The following RYR2 variants were observed in gnomAD, a reference collection of about 807,000 sequenced individuals.
RYR2 encodes the protein ryanodine receptor 2.
Under a neutral mutation model 601.1 loss-of-function variants are expected in RYR2, and 227 were observed. That is an observed-to-expected ratio of 0.38 (90% CI 0.34 to 0.42). RYR2 has a LOEUF of 0.42. Ranked by LOEUF, RYR2 falls within the 10% of genes least tolerant of loss-of-function variation. The probability of loss-of-function intolerance (pLI) is 1.00; values close to 1 mark genes in which losing one functional copy is unlikely to be tolerated. For missense variants in RYR2, 4,646 were observed against 6,156.5 expected, an observed-to-expected ratio of 0.75 and a Z score of 8.21; for synonymous variants, 2,223 against 2,175.1, an observed-to-expected ratio of 1.02 and a Z score of -0.61.
intron 1 of RYR2, among the ~76,000 whole-genome samples, chr1:237,221,531 G>A (rs1445812098): frequency 6.6e-6 from 1 of 152,188 alleles, no homozygotes; most frequent in Non-Finnish European, 1.5e-5. Flanking sequence ...AGAGGGATAT[G>A]AAAACACGGG....
intron 1 of RYR2, among the ~76,000 whole-genome samples, chr1:237,181,728 G>A (rs1678781790): frequency 6.6e-6 from 1 of 152,220 alleles, no homozygotes; most frequent in Non-Finnish European, 1.5e-5. Context: ...TAGGTCTAAT[G>A]ACTGTGCTGC....
chr1:237,152,884 G>GA (rs979728551), intron 1 of RYR2, among the ~76,000 whole-genome samples: 2 of 150,788 alleles, frequency 1.3e-5, no homozygotes, highest in Non-Finnish European at 1.5e-5. Context: ...CGCAGAATGG[G>GA]AAAAAATTTT....
chr1:237,513,358 G>A (rs1213439474), intron 24 of RYR2, among the ~76,000 whole-genome samples: 1 of 152,128 alleles, frequency 6.6e-6, no homozygotes, highest in Non-Finnish European at 1.5e-5. Context: ...TTTATATTAC[G>A]TACAAAACTC....
intron 42 of RYR2, among the ~76,000 whole-genome samples, chr1:237,631,996 CTT>C (rs1233095526): frequency 6.6e-6 from 1 of 151,778 alleles, no homozygotes; most frequent in African/African-American, 2.4e-5. Flanking sequence ...TTAAAGAAGA[CTT>C]TTTGAAAAAA....
chr1:237,441,298 T>G (rs1707874384), intron 12 of RYR2, 21 bp from the exon 13 acceptor site: 3 of 1,613,190 alleles, frequency 1.9e-6, no homozygotes, highest in Non-Finnish European at 8.5e-7. Flanking sequence ...TACTGACCTT[T>G]TTTTCCTCCT....
At chr1:237,458,461 GT>G (rs1374539640) in intron 16 of RYR2, among the ~76,000 whole-genome samples, 1 of 152,036 alleles carries the variant, frequency 6.6e-6, no homozygotes, top group African/African-American at 2.4e-5. Flanking sequence ...TATTCTTGAT[GT>G]TTCTCCCAAC....
At chr1:237,190,149 A>C (rs578146722) in intron 1 of RYR2, among the ~76,000 whole-genome samples, 2 of 152,082 alleles carry the variant, frequency 1.3e-5, no homozygotes, top group Non-Finnish European at 2.9e-5. Context: ...TTGGCCTCCC[A>C]AAGTGCTGGG....
chr1:237,417,491 C>T (rs1156708133), intron 11 of RYR2, among the ~76,000 whole-genome samples: 2 of 152,134 alleles, frequency 1.3e-5, no homozygotes, highest in African/African-American at 4.8e-5. Context: ...GCAAGCCTGT[C>T]GCACATCTCA....
intron 63 of RYR2, among the ~76,000 whole-genome samples, chr1:237,696,679 G>T (rs1257624628): frequency 7.3e-6 from 1 of 137,782 alleles, no homozygotes; most frequent in Non-Finnish European, 1.5e-5. Context: ...CCCACAGTCT[G>T]CTTCTTCTCG....
At chr1:237,655,676 A>G in intron 52 of RYR2, 145 bp from the exon 53 acceptor site, 1 of 708,414 alleles carries the variant, frequency 1.4e-6, no homozygotes, top group Non-Finnish European at 2.2e-6. Flanking sequence ...CCTGTGTTTC[A>G]TTTTCTGGAA....
chr1:237,749,524 A>C (rs910967670), intron 80 of RYR2, among the ~76,000 whole-genome samples: 3 of 152,250 alleles, frequency 2.0e-5, no homozygotes, highest in South Asian at 2.1e-4. Context: ...CAGTGTGGTG[A>C]ACATAAACAA....
At chr1:237,387,228 T>C (rs1702017575) in intron 8 of RYR2, 53 bp from the exon 9 acceptor site, 6 of 1,506,644 alleles carry the variant, frequency 4.0e-6, no homozygotes, top group South Asian at 1.1e-5. Context: ...AGCACTTACA[T>C]GTTACAGCTT....
At chr1:237,649,117 T>C (rs1205908714) in intron 49 of RYR2, among the ~76,000 whole-genome samples, 1 of 152,226 alleles carries the variant, frequency 6.6e-6, no homozygotes, top group Admixed American at 6.5e-5. Flanking sequence ...GAATCTGCCA[T>C]TATCAGCTTA....
chr1:237,553,425 T>G (rs2618654), intron 27 of RYR2, among the ~76,000 whole-genome samples: 136,251 of 152,050 alleles, frequency 0.9, 62,009 homozygotes, highest in East Asian at 0.97. Flanking sequence ...CCATTGATCT[T>G]TATGTCTGTC....
At chr1:237,475,496 C>G (rs1230704152) in intron 17 of RYR2, among the ~76,000 whole-genome samples, 1 of 152,068 alleles carries the variant, frequency 6.6e-6, no homozygotes, top group Non-Finnish European at 1.5e-5. Context: ...GAGAAATGAT[C>G]TGAGGCCCCA....
chr1:237,583,347 A>T (rs566262207), intron 29 of RYR2, among the ~76,000 whole-genome samples: 1 of 152,278 alleles, frequency 6.6e-6, no homozygotes, highest in East Asian at 1.9e-4. Flanking sequence ...TCAGAAACAT[A>T]GTTTGCAAAT....
intron 6 of RYR2, among the ~76,000 whole-genome samples, chr1:237,372,891 A>T (rs1558704176): frequency 6.6e-6 from 1 of 152,176 alleles, no homozygotes; most frequent in Non-Finnish European, 1.5e-5. Flanking sequence ...TAGGTCCTGG[A>T]TATAGTAGTG....
intron 20 of RYR2, among the ~76,000 whole-genome samples, chr1:237,498,500 C>T (rs1664302622): frequency 6.6e-6 from 1 of 151,904 alleles, no homozygotes; most frequent in Non-Finnish European, 1.5e-5. Context: ...CCTAGTATTG[C>T]TCTGCAGGAA....
intron 2 of RYR2, among the ~76,000 whole-genome samples, chr1:237,274,066 C>G (rs554209091): frequency 7.1e-6 from 1 of 141,040 alleles, no homozygotes; most frequent in Non-Finnish European, 1.5e-5. Context: ...ATAAATATAC[C>G]TTTATATTAT....
Sources: allele counts gnomAD v4.1 joint callset (sites outside exome capture counted in the v4.1 genomes callset), GRCh38; gene constraint gnomAD v4.1.1; transcripts MANE v1.5; gene names NCBI Gene and HGNC (gene_info 2026-07-23, HGNC 2026-07-21).